Variants in UBE2E2 observed in about 807,000 individuals in gnomAD.
The protein encoded by UBE2E2 is ubiquitin conjugating enzyme E2 E2, also known as ubiquitin-conjugating enzyme E2 E2.
UBE2E2 carries 6 observed loss-of-function variants against 24.7 expected under a neutral mutation model. The ratio of observed to expected loss-of-function variants is 0.24; its 90% CI spans 0.13 to 0.48. The LOEUF (loss-of-function observed/expected upper bound fraction) is 0.48. UBE2E2 is among the 20% of genes least tolerant of loss of function. The probability of loss-of-function intolerance (pLI) is 0.99; values close to 1 mark genes in which losing one functional copy is unlikely to be tolerated. For missense variants in UBE2E2, 169 were observed against 245.0 expected, an observed-to-expected ratio of 0.69 and a Z score of 2.07; for synonymous variants, 104 against 83.6, an observed-to-expected ratio of 1.24 and a Z score of -1.33.
intron 3 of UBE2E2, among the ~76,000 whole-genome samples, chr3:23,403,781 C>A (rs1826847): frequency 0.29 from 42,361 of 146,416 alleles, 6,285 homozygotes; most frequent in East Asian, 0.36. Context: ...CCGAGATTGC[C>A]TGGGCGACAA....
At chr3:23,480,630 GAAA>G (rs34377610) in intron 3 of UBE2E2, among the ~76,000 whole-genome samples, 1 of 109,750 alleles carries the variant, frequency 9.1e-6, no homozygotes, top group Non-Finnish European at 1.9e-5. Flanking sequence ...CTTGTCTCAG[GAAA>G]AAAAAAAAAA....
At chr3:23,522,291 C>T (rs933236105) in intron 4 of UBE2E2, among the ~76,000 whole-genome samples, 2 of 151,950 alleles carry the variant, frequency 1.3e-5, no homozygotes, top group Admixed American at 6.5e-5. Context: ...CCACCACGCC[C>T]GGCTAATTTT....
chr3:23,317,946 C>CT (rs1479662634), intron 3 of UBE2E2, among the ~76,000 whole-genome samples: 1 of 151,680 alleles, frequency 6.6e-6, no homozygotes, highest in Non-Finnish European at 1.5e-5. Context: ...TATGAAGGTG[C>CT]TTTTTTGTGT....
At chr3:23,308,975 G>C (rs34443476) in intron 3 of UBE2E2, among the ~76,000 whole-genome samples, 9,671 of 152,296 alleles carry the variant, frequency 0.064, 490 homozygotes, top group Non-Finnish European at 0.092. Flanking sequence ...TGGAGGAAAA[G>C]ATGTACTGTT....
At chr3:23,292,359 C>A (rs1031273932) in intron 3 of UBE2E2, among the ~76,000 whole-genome samples, 1 of 152,080 alleles carries the variant, frequency 6.6e-6, no homozygotes, top group Non-Finnish European at 1.5e-5. Flanking sequence ...GAGGTATATT[C>A]GTTATGTACC....
At chr3:23,295,789 C>T (rs1306750454) in intron 3 of UBE2E2, among the ~76,000 whole-genome samples, 3 of 151,918 alleles carry the variant, frequency 2.0e-5, no homozygotes, top group Admixed American at 2.0e-4. Context: ...CTAGGGATTG[C>T]CTTAAAGCTG....
chr3:23,379,310 T>C lies in UBE2E2; in HGVS notation c.228-120298T>C, dbSNP rs933557672. Among the ~76,000 whole-genome samples, 4 of 151,574 alleles carry C rather than the reference T, an allele frequency of 2.6e-5. No homozygotes were observed. The East Asian group carries it at 5.8e-4, about 22-fold the overall frequency. On this transcript the variant is annotated intron_variant, in intron 3 of 5. Transcript: ENST00000396703. ...GCACATTGTGCAGGTTAGTTACATA[T>C]GTATACATGTGCCATGCTGGTGCGC... is the stretch of plus-strand genomic sequence containing the variant.
chr3:23,537,674 G>C (rs1695297302), intron 5 of UBE2E2, among the ~76,000 whole-genome samples: 1 of 152,084 alleles, frequency 6.6e-6, no homozygotes, highest in Admixed American at 6.6e-5. Context: ...TTTTGTTTCA[G>C]ATCACTTAAG....
chr3:23,320,916 T>G (rs1302179079), intron 3 of UBE2E2, among the ~76,000 whole-genome samples: 3 of 152,220 alleles, frequency 2.0e-5, no homozygotes, highest in Non-Finnish European at 4.4e-5. Flanking sequence ...TCTGGGTGGC[T>G]TAAAACAACA....
chr3:23,539,172 A>G (rs771431629), intron 5 of UBE2E2, among the ~76,000 whole-genome samples: 15 of 152,182 alleles, frequency 9.9e-5, no homozygotes, highest in Non-Finnish European at 2.2e-4. Flanking sequence ...TATTTAGCCC[A>G]TGGTATTTCT....
At chr3:23,400,302 G>A (rs970014371) in intron 3 of UBE2E2, among the ~76,000 whole-genome samples, 6 of 152,006 alleles carry the variant, frequency 3.9e-5, no homozygotes, top group Non-Finnish European at 7.4e-5. Context: ...CTGTCATAAC[G>A]GAAAACGGAT....
chr3:23,403,894 C>G (rs1697290483), intron 3 of UBE2E2, among the ~76,000 whole-genome samples: 2 of 151,322 alleles, frequency 1.3e-5, no homozygotes, highest in African/African-American at 2.4e-5. Context: ...TACTTCAATC[C>G]AAGATGAAGA....
intron 3 of UBE2E2, among the ~76,000 whole-genome samples, chr3:23,340,243 T>G (rs1695342405): frequency 6.6e-6 from 1 of 152,176 alleles, no homozygotes; most frequent in Non-Finnish European, 1.5e-5. Flanking sequence ...GCCTGTTTGA[T>G]AATCATGTTT....
intron 2 of UBE2E2, among the ~76,000 whole-genome samples, chr3:23,210,500 T>C (rs1696291734): frequency 6.6e-6 from 1 of 152,216 alleles, no homozygotes; most frequent in African/African-American, 2.4e-5. Flanking sequence ...ATGTACTGCT[T>C]TATGTGTGAA....
chr3:23,565,565 TCAAAGA>T (rs1158066477), intron 5 of UBE2E2, among the ~76,000 whole-genome samples: 1 of 141,262 alleles, frequency 7.1e-6, no homozygotes, highest in Non-Finnish European at 1.5e-5. Context: ...TTAGACGTAA[TCAAAGA>T]CCTGCTTAGG....
In UBE2E2 at chr3:23,373,266, G is replaced by A. The variant is rs111514121; in HGVS notation, c.228-126342G>A. The stretch of plus-strand genomic sequence containing the variant: ...GTTGGTGGAAATGGAAAGGAAGGAC[G>A]GCTGGCTCAAATTCTGGAGATACTA... On this transcript the variant is annotated intron_variant, in intron 3 of 5. Coordinates refer to ENST00000396703, the MANE Select transcript of UBE2E2 (RefSeq NM_152653.4). 5.1e-3 allele frequency among the ~76,000 whole-genome samples: 778 copies of A among 152,250 alleles called. 6 individuals carry two copies. The highest frequency in any genetic ancestry group is 0.018 in the African/African-American group (731 of 41,550).
chr3:23,299,972 A>G (rs1348847732), intron 3 of UBE2E2, among the ~76,000 whole-genome samples: 1 of 152,002 alleles, frequency 6.6e-6, no homozygotes, highest in East Asian at 1.9e-4. Context: ...GTGCTCCTGT[A>G]TTGGGTGCAT....
chr3:23,388,956 C>T (rs1180596190), intron 3 of UBE2E2, among the ~76,000 whole-genome samples: 1 of 148,346 alleles, frequency 6.7e-6, no homozygotes, highest in Non-Finnish European at 1.5e-5. Flanking sequence ...GAGCCAAGAT[C>T]GTGCCACTGC....
intron 3 of UBE2E2, among the ~76,000 whole-genome samples, chr3:23,287,828 T>C (rs1348049948): frequency 2.0e-5 from 3 of 151,876 alleles, no homozygotes; most frequent in African/African-American, 4.8e-5. Context: ...TTCTCTTTTT[T>C]TCTTAGTTCA....
Sources: allele counts gnomAD v4.1 joint callset (sites outside exome capture counted in the v4.1 genomes callset), GRCh38; gene constraint gnomAD v4.1.1; transcripts MANE v1.5; gene names NCBI Gene and HGNC (gene_info 2026-07-23, HGNC 2026-07-21).